Variants in PIK3C2G observed in about 807,000 individuals in gnomAD.
PIK3C2G encodes phosphatidylinositol 3-kinase C2 domain-containing subunit gamma.
PIK3C2G carries 168 observed loss-of-function variants against 181.1 expected under a neutral mutation model. The ratio of observed to expected loss-of-function variants is 0.93; its 90% CI spans 0.82 to 1.05. PIK3C2G has a LOEUF of 1.05. PIK3C2G is among the 50% of genes least tolerant of loss of function. The probability of loss-of-function intolerance (pLI) is 0.00; values close to 1 mark genes in which losing one functional copy is unlikely to be tolerated. For missense variants in PIK3C2G, 1,869 were observed against 1,732.8 expected (o/e 1.08, Z -1.40); for synonymous variants, 573 against 592.2 (o/e 0.97, Z 0.47).
At chr12:18,345,459 T>C (rs1357521340) in intron 10 of PIK3C2G, among the ~76,000 whole-genome samples, 1 of 152,092 alleles carries the variant, frequency 6.6e-6, no homozygotes, top group Non-Finnish European at 1.5e-5. Flanking sequence ...AATAACTAAG[T>C]GAAAAATAGC....
At chr12:18,621,357 A>T (rs1184335225) in intron 31 of PIK3C2G, among the ~76,000 whole-genome samples, 1 of 151,916 alleles carries the variant, frequency 6.6e-6, no homozygotes, top group East Asian at 1.9e-4. Context: ...AAATAGAAAA[A>T]CTTGCCCAAC....
At chr12:18,695,951 T>C in the PIK3C2G span, among the ~76,000 whole-genome samples, 5 of 151,978 alleles carry the variant, frequency 3.3e-5, no homozygotes, top group Non-Finnish European at 2.9e-5. Flanking sequence ...AAACCATCAC[T>C]GAGATTTACC....
At chr12:18,293,139 T>G (rs1257812018) in intron 4 of PIK3C2G, among the ~76,000 whole-genome samples, 1 of 152,130 alleles carries the variant, frequency 6.6e-6, no homozygotes, top group African/African-American at 2.4e-5. Context: ...AGAGTGAATA[T>G]AACCTGTATA....
intron 32 of PIK3C2G, among the ~76,000 whole-genome samples, chr12:18,644,714 T>A (rs1950025673): frequency 6.6e-6 from 1 of 152,138 alleles, no homozygotes; most frequent in African/African-American, 2.4e-5. Flanking sequence ...CAACTAGATG[T>A]CAAGCCCAGA....
At chr12:18,636,704 A>C (rs556880930) in intron 31 of PIK3C2G, among the ~76,000 whole-genome samples, 1 of 152,318 alleles carries the variant, frequency 6.6e-6, no homozygotes, top group South Asian at 2.1e-4. Context: ...ATTCTCCAAG[A>C]TTCATCCATA....
At chr12:18,451,027 T>C (rs541953368) in intron 18 of PIK3C2G, among the ~76,000 whole-genome samples, 1 of 152,322 alleles carries the variant, frequency 6.6e-6, no homozygotes, top group East Asian at 1.9e-4. Flanking sequence ...TCCAGCTTTG[T>C]TCTTTTTGCT....
In PIK3C2G at chr12:18,371,260, C is replaced by A. The variant is rs758959571; in HGVS notation, c.1829C>A (p.Thr610Asn). 1.9e-6 allele frequency: 3 copies of A among 1,612,314 alleles called. No individual in the cohort carries two copies. Among genetic ancestry groups the A allele is most frequent in the East Asian group, 2.2e-5 (1 of 44,790 alleles). ...AAACTGTTTGGGATTGCCTGTGCAA[C>A]CAACAATGCAAATTTACTGGCGTGG... Reference protein sequence around the residue: ...TVKLFGIACATNNANLLAWTC... With the variant: ...TVKLFGIACANNNANLLAWTC... The change falls in exon 13 of 33, where the codon ACC becomes AAC. Residue 610 changes from threonine (T) to asparagine (N), a missense_variant. Transcript: ENST00000538779.
chr12:18,274,707 G>C (rs1201456844), intron 1 of PIK3C2G, among the ~76,000 whole-genome samples: 4 of 152,114 alleles, frequency 2.6e-5, no homozygotes, highest in Non-Finnish European at 5.9e-5. Context: ...AATGCTAAAT[G>C]ATGAGTTAAT....
intron 31 of PIK3C2G, among the ~76,000 whole-genome samples, chr12:18,615,199 A>G (rs556697065): frequency 6.6e-6 from 1 of 152,010 alleles, no homozygotes; most frequent in East Asian, 1.9e-4. Context: ...GCTCTCACCT[A>G]TACATGAGAA....
intron 24 of PIK3C2G, among the ~76,000 whole-genome samples, chr12:18,511,191 G>C (rs776353240): frequency 3.3e-5 from 5 of 152,026 alleles, no homozygotes; most frequent in Admixed American, 1.3e-4. Flanking sequence ...GTATTTCATT[G>C]TGTGTACGTA....
chr12:18,254,875 T>C (rs1047536271), intron 1 of PIK3C2G, among the ~76,000 whole-genome samples: 4 of 151,406 alleles, frequency 2.6e-5, no homozygotes, highest in African/African-American at 9.7e-5. Context: ...TAATAATAAT[T>C]TCTTAATTTA....
intron 24 of PIK3C2G, among the ~76,000 whole-genome samples, chr12:18,509,144 C>T (rs1200444319): frequency 6.6e-6 from 1 of 152,060 alleles, no homozygotes; most frequent in Non-Finnish European, 1.5e-5. Flanking sequence ...CTCCACCTCC[C>T]TGGTTCAAGC....
chr12:18,521,058 T>C (rs553463356), intron 24 of PIK3C2G, among the ~76,000 whole-genome samples: 7 of 152,248 alleles, frequency 4.6e-5, no homozygotes, highest in African/African-American at 1.7e-4. Flanking sequence ...ATTCATCTGG[T>C]AACTCCCATG....
the PIK3C2G span, among the ~76,000 whole-genome samples, chr12:18,703,023 A>G: frequency 3.5e-3 from 526 of 152,184 alleles, 3 homozygotes; most frequent in African/African-American, 0.012. Context: ...ATATGGAGCT[A>G]AAATTTGAAT....
At chr12:18,645,932 A>G (rs1156694463) in intron 32 of PIK3C2G, among the ~76,000 whole-genome samples, 1 of 152,144 alleles carries the variant, frequency 6.6e-6, no homozygotes, top group Non-Finnish European at 1.5e-5. Context: ...TTTTCTCTGT[A>G]AAATAAGAGA....
At chr12:18,345,094 G>A (rs1939544563) in intron 10 of PIK3C2G, among the ~76,000 whole-genome samples, 1 of 152,164 alleles carries the variant, frequency 6.6e-6, no homozygotes, top group South Asian at 2.1e-4. Context: ...CTTGCACAAT[G>A]TTGGGAATTC....
chr12:18,407,698 A>G (rs1330064121), intron 16 of PIK3C2G, among the ~76,000 whole-genome samples: 1 of 152,200 alleles, frequency 6.6e-6, no homozygotes, highest in Non-Finnish European at 1.5e-5. Context: ...CCTTTCTTCA[A>G]AGGAGAAAAG....
chr12:18,648,185 T>C lies in PIK3C2G; in HGVS notation c.*157T>C. 2.6e-6 allele frequency: 1 copy of C among 387,814 alleles called. No individual in the cohort carries two copies. The highest frequency in any genetic ancestry group is 4.6e-6 in the Non-Finnish European group (1 of 218,590). The allele number at this position is 387,814 out of a possible 1,614,324, so 24.0% of individuals were successfully genotyped here. A position where few individuals can be genotyped will look rare whatever the true frequency, so the allele number is the denominator to read the frequency against. On this transcript the variant is annotated 3_prime_UTR_variant, in exon 33 of 33. Coordinates refer to ENST00000538779, the MANE Select transcript of PIK3C2G (RefSeq NM_001288772.2). ...CAGAATTAGTCTTTTGTGTTGTTTA[T>C]TTTCTACCTGTGCTTTCATTGTTTT...
chr12:18,552,878 C>G (rs1944806111), intron 26 of PIK3C2G, among the ~76,000 whole-genome samples: 1 of 152,036 alleles, frequency 6.6e-6, no homozygotes, highest in Admixed American at 6.6e-5. Context: ...AATTCCAAGT[C>G]AGGATACACC....
Sources: allele counts gnomAD v4.1 joint callset (sites outside exome capture counted in the v4.1 genomes callset), GRCh38; gene constraint gnomAD v4.1.1; transcripts MANE v1.5; gene names NCBI Gene and HGNC (gene_info 2026-07-23, HGNC 2026-07-21).